NCAM2: variants seen among roughly 807,000 people sequenced by gnomAD.
The protein encoded by NCAM2 is neural cell adhesion molecule 2.
A neutral mutation model predicts 98.1 loss-of-function variants in NCAM2; 30 were observed. The observed-to-expected ratio is 0.31, with a 90% CI of 0.23 to 0.41. The LOEUF is 0.41. NCAM2 is among the 10% of genes least tolerant of loss of function. The pLI is 1.00. For missense variants in NCAM2, 867 were observed against 1,005.8 expected (o/e 0.86, Z 1.87); for synonymous variants, 368 against 342.4 (o/e 1.07, Z -0.83).
At chr21:21,367,282 T>C (rs2075811295) in intron 8 of NCAM2, among the ~76,000 whole-genome samples, 2 of 151,996 alleles carry the variant, frequency 1.3e-5, no homozygotes, top group Non-Finnish European at 2.9e-5. Flanking sequence ...TTTTGTTACA[T>C]CGATATATTA....
At chr21:21,324,643 C>CTAGGG (rs2074465451) in intron 6 of NCAM2, 143 bp downstream of exon 6, 2 of 627,276 alleles carry the variant, frequency 3.2e-6, no homozygotes, top group Non-Finnish European at 5.6e-6. Flanking sequence ...ATCTTTGGGG[C>CTAGGG]TTACGGTGGT....
intron 12 of NCAM2, among the ~76,000 whole-genome samples, chr21:21,462,489 T>C (rs1039694465): frequency 3.9e-5 from 6 of 152,028 alleles, no homozygotes; most frequent in Non-Finnish European, 8.8e-5. Flanking sequence ...TAATGCATTA[T>C]AGGAACAAAA....
chr21:21,409,531 G>A (rs1602250921), intron 9 of NCAM2, among the ~76,000 whole-genome samples: 2 of 152,224 alleles, frequency 1.3e-5, no homozygotes, highest in African/African-American at 2.4e-5. Context: ...TATAGAAAAA[G>A]TGACTATGAC....
chr21:21,112,465 T>C (rs374230809), intron 1 of NCAM2, among the ~76,000 whole-genome samples: 1 of 152,198 alleles, frequency 6.6e-6, no homozygotes, highest in African/African-American at 2.4e-5. Flanking sequence ...CAGTGTTGGC[T>C]TTCTATTTGA....
At chr21:21,124,007 C>T (rs1470760303) in intron 1 of NCAM2, among the ~76,000 whole-genome samples, 1 of 151,820 alleles carries the variant, frequency 6.6e-6, no homozygotes, top group East Asian at 1.9e-4. Context: ...GCCAGCACGC[C>T]CAGCTAATTT....
intron 1 of NCAM2, among the ~76,000 whole-genome samples, chr21:21,221,139 T>C (rs142835305): frequency 3.9e-5 from 6 of 152,314 alleles, no homozygotes; most frequent in Non-Finnish European, 5.9e-5. Flanking sequence ...TGCACTCATA[T>C]AAGACGGTGA....
intron 1 of NCAM2, among the ~76,000 whole-genome samples, chr21:21,263,658 A>C (rs1334674178): frequency 6.6e-6 from 1 of 152,162 alleles, no homozygotes; most frequent in Admixed American, 6.6e-5. Flanking sequence ...TCAAAAATAG[A>C]TACATAGATC....
chr21:21,227,907 T>G (rs2070454055), intron 1 of NCAM2, among the ~76,000 whole-genome samples: 1 of 151,730 alleles, frequency 6.6e-6, no homozygotes. Flanking sequence ...GATTGTTAAG[T>G]AAGGGAAACA....
At chr21:21,230,984 A>G (rs577887873) in intron 1 of NCAM2, among the ~76,000 whole-genome samples, 79 of 151,434 alleles carry the variant, frequency 5.2e-4, no homozygotes, top group African/African-American at 1.9e-3. Context: ...ATTATAACGT[A>G]TTTCCGAGGA....
chr21:21,500,059 G>A (rs896018854), intron 15 of NCAM2, among the ~76,000 whole-genome samples: 1 of 151,990 alleles, frequency 6.6e-6, no homozygotes, highest in East Asian at 1.9e-4. Context: ...CTTGGAAGTG[G>A]ATACTCAGCT....
chr21:21,479,608 A>AAAAAAAAAAAAAAAAAAAAT (rs1491473437), intron 15 of NCAM2, among the ~76,000 whole-genome samples: 1 of 127,916 alleles, frequency 7.8e-6, no homozygotes, highest in African/African-American at 2.8e-5. Flanking sequence ...AAAAAAAAAA[A>AAAAAAAAAAAAAAAAAAAAT]TTGTTGATGA....
intron 1 of NCAM2, among the ~76,000 whole-genome samples, chr21:21,277,998 G>A (rs28718239): frequency 0.03 from 4,511 of 152,222 alleles, 147 homozygotes; most frequent in East Asian, 0.19. Context: ...TGTTTGGTTT[G>A]CATACAGAAA....
chr21:21,169,397 G>C (rs564885656), intron 1 of NCAM2, among the ~76,000 whole-genome samples: 1 of 152,192 alleles, frequency 6.6e-6, no homozygotes, highest in East Asian at 1.9e-4. Flanking sequence ...TGACATTTTA[G>C]GTACACCAAA....
intron 1 of NCAM2, among the ~76,000 whole-genome samples, chr21:21,047,058 T>G (rs1269398537): frequency 1.7e-5 from 1 of 57,922 alleles, no homozygotes; most frequent in Non-Finnish European, 3.3e-5. Context: ...TCCTTTTTTT[T>G]GAGAGGGGTG....
intron 9 of NCAM2, among the ~76,000 whole-genome samples, chr21:21,391,911 G>C (rs990017787): frequency 6.6e-6 from 1 of 151,708 alleles, no homozygotes; most frequent in Non-Finnish European, 1.5e-5. Context: ...TTATCAATGA[G>C]TTCAGTCTAA....
intron 15 of NCAM2, among the ~76,000 whole-genome samples, chr21:21,478,084 T>C (rs1985393906): frequency 6.6e-6 from 1 of 152,160 alleles, no homozygotes; most frequent in Admixed American, 6.5e-5. Flanking sequence ...CTTAGTATGT[T>C]AGTAATATTA....
chr21:21,042,487 A>C (rs182243457), intron 1 of NCAM2, among the ~76,000 whole-genome samples: 2 of 152,234 alleles, frequency 1.3e-5, no homozygotes, highest in African/African-American at 2.4e-5. Context: ...CCTGACCTTC[A>C]TATTTTGAGA....
chr21:21,121,861 C>T (rs1297620033), intron 1 of NCAM2, among the ~76,000 whole-genome samples: 4 of 152,176 alleles, frequency 2.6e-5, no homozygotes, highest in Non-Finnish European at 1.5e-5. Context: ...GCTGATACCA[C>T]AGCCGAAGGC....
intron 9 of NCAM2, among the ~76,000 whole-genome samples, chr21:21,384,797 T>C (rs1280009281): frequency 6.6e-6 from 1 of 152,078 alleles, no homozygotes; most frequent in Non-Finnish European, 1.5e-5. Context: ...GAAAGTAATA[T>C]AATTCTTAAT....
Sources: allele counts gnomAD v4.1 joint callset (sites outside exome capture counted in the v4.1 genomes callset), GRCh38; gene constraint gnomAD v4.1.1; transcripts MANE v1.5; gene names NCBI Gene and HGNC (gene_info 2026-07-23, HGNC 2026-07-21).